Variants in BAZ2B observed in about 807,000 individuals in gnomAD.
BAZ2B encodes bromodomain adjacent to zinc finger domain 2B.
In BAZ2B, 91 loss-of-function variants were observed where a neutral mutation model predicts 246.0. The ratio of observed to expected loss-of-function variants is 0.37; its 90% confidence interval spans 0.31 to 0.44. The LOEUF is 0.44. BAZ2B is among the 20% of genes least tolerant of loss of function. BAZ2B has a pLI of 1.00. For missense variants in BAZ2B, 2,332 were observed against 2,533.7 expected, an observed-to-expected ratio of 0.92 and a Z score of 1.71; for synonymous variants, 855 against 860.0, an observed-to-expected ratio of 0.99 and a Z score of 0.10.
chr2:159,372,625 G>A (rs534072577), intron 27 of BAZ2B, among the ~76,000 whole-genome samples: 6 of 152,334 alleles, frequency 3.9e-5, no homozygotes, highest in African/African-American at 1.2e-4. Context: ...GATTTGAAAA[G>A]GAATGAGGAT....
chr2:159,633,655 C>G, the BAZ2B span, among the ~76,000 whole-genome samples: 1 of 151,678 alleles, frequency 6.6e-6, no homozygotes, highest in Non-Finnish European at 1.5e-5. Flanking sequence ...AAATTCATGA[C>G]TACCTTCTCT....
the BAZ2B span, among the ~76,000 whole-genome samples, chr2:159,656,173 C>T: frequency 4.3e-3 from 647 of 152,200 alleles, 4 homozygotes; most frequent in African/African-American, 0.014. Flanking sequence ...TCTGATTATT[C>T]TTTTAAAAAT....
chr2:159,609,768 T>C (rs964613862), intron 1 of BAZ2B, among the ~76,000 whole-genome samples: 3 of 151,064 alleles, frequency 2.0e-5, no homozygotes, highest in African/African-American at 7.3e-5. Flanking sequence ...AGAGCTTCTG[T>C]AGCAGCAGTG....
At chr2:159,320,469 T>A in intron 36 of BAZ2B, 51 bp from the exon 37 acceptor site, 1 of 1,435,524 alleles carries the variant, frequency 7.0e-7, no homozygotes, top group Non-Finnish European at 9.4e-7. Context: ...GGATTTGTTT[T>A]GTAAACAAAT....
At chr2:159,384,268 T>C (rs1460642021) in intron 23 of BAZ2B, among the ~76,000 whole-genome samples, 4 of 152,082 alleles carry the variant, frequency 2.6e-5, no homozygotes. Context: ...CCACTTAGCA[T>C]TACTATTTGT....
intron 2 of BAZ2B, among the ~76,000 whole-genome samples, chr2:159,505,849 T>C (rs1362323595): frequency 6.6e-6 from 1 of 152,142 alleles, no homozygotes; most frequent in East Asian, 1.9e-4. Flanking sequence ...AACCTGAAAC[T>C]GACAATGAAA....
the BAZ2B span, among the ~76,000 whole-genome samples, chr2:159,706,555 C>T: frequency 0.012 from 1,757 of 152,278 alleles, 23 homozygotes; most frequent in Middle Eastern, 0.082. Flanking sequence ...TGTGCACGCA[C>T]GCGTGCGCAT....
intron 2 of BAZ2B, among the ~76,000 whole-genome samples, chr2:159,532,448 C>T (rs192555106): frequency 1.8e-4 from 27 of 152,030 alleles, no homozygotes; most frequent in African/African-American, 5.3e-4. Context: ...CAAAATATTA[C>T]GGGGAGAACA....
At chr2:159,501,157 T>TTA (rs2081699342) in intron 2 of BAZ2B, among the ~76,000 whole-genome samples, 2 of 93,484 alleles carry the variant, frequency 2.1e-5, no homozygotes, top group South Asian at 3.2e-4. Context: ...ATAATATATA[T>TTA]AAATATATAA....
At chr2:159,474,905 G>A (rs1381215506) in intron 3 of BAZ2B, among the ~76,000 whole-genome samples, 1 of 152,120 alleles carries the variant, frequency 6.6e-6, no homozygotes, top group Non-Finnish European at 1.5e-5. Context: ...CTGGCTTGTA[G>A]GGTTTCTGCA....
chr2:159,495,317 C>A (rs2080961740), intron 2 of BAZ2B, among the ~76,000 whole-genome samples: 1 of 150,082 alleles, frequency 6.7e-6, no homozygotes, highest in South Asian at 2.1e-4. Flanking sequence ...AACCCCGTCT[C>A]TACTAAAAAT....
chr2:159,351,510 C>G (rs562611104), intron 27 of BAZ2B, among the ~76,000 whole-genome samples: 1 of 151,916 alleles, frequency 6.6e-6, no homozygotes, highest in South Asian at 2.1e-4. Flanking sequence ...GTGTACTTTT[C>G]AGAGTTTTTG....
At chr2:159,346,618 A>G (rs7599475) in intron 31 of BAZ2B, among the ~76,000 whole-genome samples, 144,769 of 152,178 alleles carry the variant, frequency 0.95, 69,311 homozygotes, top group East Asian at 1. Flanking sequence ...TGAACCTGGA[A>G]GTGGAGGTTG....
intron 1 of BAZ2B, among the ~76,000 whole-genome samples, chr2:159,592,703 CTA>C (rs1281270614): frequency 6.6e-6 from 1 of 152,150 alleles, no homozygotes; most frequent in Non-Finnish European, 1.5e-5. Flanking sequence ...GTGCCAAGAA[CTA>C]TATGAGCTTG....
intron 27 of BAZ2B, among the ~76,000 whole-genome samples, chr2:159,370,563 G>A (rs894576785): frequency 6.6e-6 from 1 of 151,402 alleles, no homozygotes; most frequent in South Asian, 2.1e-4. Context: ...TAGTAGAGAC[G>A]GGGTTTCACC....
At chr2:159,400,360 TC>T (rs1204908669) in intron 17 of BAZ2B, among the ~76,000 whole-genome samples, 1 of 152,204 alleles carries the variant, frequency 6.6e-6, no homozygotes, top group Non-Finnish European at 1.5e-5. Flanking sequence ...TTATGACAAC[TC>T]CACTGACTGC....
intron 4 of BAZ2B, among the ~76,000 whole-genome samples, chr2:159,453,399 A>G (rs2075338611): frequency 6.6e-6 from 1 of 152,208 alleles, no homozygotes; most frequent in Non-Finnish European, 1.5e-5. Flanking sequence ...TTCTCTAGTT[A>G]AATACCTGGA....
chr2:159,380,628 G>T (rs1034711655), intron 25 of BAZ2B, among the ~76,000 whole-genome samples: 1 of 152,128 alleles, frequency 6.6e-6, no homozygotes, highest in Non-Finnish European at 1.5e-5. Context: ...CTCTTAATAT[G>T]GACCTGAACT....
rs199771648 is a variant in BAZ2B at position 159,324,967 on chromosome 2, A to G, written c.6210-13T>C. On this transcript the variant is annotated splice_polypyrimidine_tract_variant and intron_variant, in intron 35 of 36. Transcript: ENST00000392783. Reference sequence around the variant, plus strand: ...AGTCAGAATCATACTAAAGAAAATAATGTTTGAAATCAGTATCCATACTTT... The same window carrying G: ...AGTCAGAATCATACTAAAGAAAATAGTGTTTGAAATCAGTATCCATACTTT... 82 of 1,494,682 alleles carry G rather than the reference A, an allele frequency of 5.5e-5. 1 individual carries two copies. Among genetic ancestry groups the G allele is most frequent in the Non-Finnish European group, 6.6e-5 (75 of 1,133,700 alleles). 92.6% of individuals were successfully genotyped at this position (1,494,682 alleles called of 1,614,324 possible).
Sources: gnomAD v4.1 joint callset for allele counts (sites outside exome capture counted in the v4.1 genomes callset) on GRCh38, gnomAD v4.1.1 for gene constraint, MANE v1.5 for transcripts, NCBI Gene and HGNC (gene_info 2026-07-23, HGNC 2026-07-21) for gene names.